The following ZNF469 variants were observed in gnomAD, a reference collection of about 807,000 sequenced individuals.
ZNF469 encodes zinc finger protein 469.
In ZNF469, 1 loss-of-function variant was observed where a neutral mutation model predicts 1.0. The ratio of observed to expected loss-of-function variants is 1.00; its 90% confidence interval spans 0.35 to 4.73. The LOEUF is 4.73. Ranked by LOEUF, ZNF469 falls within the 30% of genes most tolerant of loss-of-function variation. The pLI, the probability that ZNF469 is intolerant of heterozygous loss-of-function variation, is 0.16. For missense variants in ZNF469, 6,100 were observed against 5,356.3 expected, an observed-to-expected ratio of 1.14 and a Z score of -4.33; for synonymous variants, 2,703 against 2,363.4, an observed-to-expected ratio of 1.14 and a Z score of -4.17.
the ZNF469 span, among the ~76,000 whole-genome samples, chr16:88,290,600 C>A: frequency 6.6e-6 from 1 of 152,188 alleles, no homozygotes; most frequent in Non-Finnish European, 1.5e-5. Flanking sequence ...AGAGTCTGAA[C>A]AATCCTAGTA....
chr16:88,422,089 G>GTGGA (rs367717750), intron 1 of ZNF469, among the ~76,000 whole-genome samples: 68 of 149,138 alleles, frequency 4.6e-4, no homozygotes, highest in African/African-American at 8.6e-4. Flanking sequence ...GGCTGACTGG[G>GTGGA]TGGATGGATG....
chr16:88,329,001 G>C, the ZNF469 span, among the ~76,000 whole-genome samples: 3 of 152,166 alleles, frequency 2.0e-5, no homozygotes, highest in African/African-American at 7.2e-5. Flanking sequence ...ACCCGCAGCC[G>C]GAGTCCTTCA....
At position 88,427,670 on chromosome 16, in the gene ZNF469, A is replaced by G; in HGVS notation, c.200A>G (p.Gln67Arg). 2.6e-6 allele frequency: 4 copies of G among 1,535,856 alleles called. No individual in the cohort carries two copies. Among genetic ancestry groups the G allele is most frequent in the Non-Finnish European group, 3.5e-6 (4 of 1,144,694 alleles). The change falls in exon 3 of 3, where the codon CAG becomes CGG. Residue 67 changes from glutamine to arginine, a missense_variant. By Grantham distance (43) the Gln-to-Arg change is conservative (BLOSUM62 1). Coordinates refer to ENST00000565624, the MANE Select transcript of ZNF469 (RefSeq NM_001367624.2). ...AMELPEAQPR[Q>R]ARDGELKPPS... ...GAGCTCCCCGAGGCCCAGCCAAGGC[A>G]GGCCAGGGACGGGGAGCTCAAGCCC...
chr16:88,355,850 C>G, the ZNF469 span, among the ~76,000 whole-genome samples: 1 of 152,154 alleles, frequency 6.6e-6, no homozygotes, highest in Non-Finnish European at 1.5e-5. Context: ...AGGGGAGGAC[C>G]AAGACCACAC....
the ZNF469 span, among the ~76,000 whole-genome samples, chr16:88,336,690 C>T: frequency 6.6e-6 from 1 of 152,206 alleles, no homozygotes; most frequent in Non-Finnish European, 1.5e-5. Flanking sequence ...ATACCACACA[C>T]ATGCATCCTT....
chr16:88,199,635 G>A, the ZNF469 span, among the ~76,000 whole-genome samples: 1 of 152,348 alleles, frequency 6.6e-6, no homozygotes, highest in Non-Finnish European at 1.5e-5. Context: ...ATATTTTACA[G>A]TTACTGGGCT....
the ZNF469 span, among the ~76,000 whole-genome samples, chr16:88,307,451 A>G: frequency 6.6e-6 from 1 of 152,240 alleles, no homozygotes; most frequent in African/African-American, 2.4e-5. Context: ...CACATCTTAC[A>G]TTCCCACGGG....
the ZNF469 span, among the ~76,000 whole-genome samples, chr16:88,340,903 C>T: frequency 6.6e-6 from 1 of 152,022 alleles, no homozygotes; most frequent in Non-Finnish European, 1.5e-5. Context: ...GGGGGCCTAG[C>T]GTGGAGGAGG....
chr16:88,113,364 C>T, the ZNF469 span, among the ~76,000 whole-genome samples: 1 of 152,146 alleles, frequency 6.6e-6, no homozygotes, highest in South Asian at 2.1e-4. Context: ...CTGTCCTTTC[C>T]CCAGGGTATG....
rs558407043 is a variant in ZNF469, at chr16:88,406,101, C to T, written c.-191-18706C>T. ...GGAGGGAGCAGCCCGGAGCCGACCA[C>T]GCCACCACGAGCCACCGTGTCCAGC... is the stretch of plus-strand genomic sequence containing the variant. On this transcript the variant is annotated intron_variant, in intron 1 of 2. Transcript: ENST00000565624. Among the ~76,000 whole-genome samples the T allele has an allele frequency of 2.0e-5, 3 of 152,346 alleles. No individual in the cohort carries two copies. The South Asian group carries it at 6.2e-4, about 32-fold the overall frequency.
the ZNF469 span, among the ~76,000 whole-genome samples, chr16:88,280,803 G>T: frequency 3.3e-5 from 5 of 151,210 alleles, no homozygotes; most frequent in African/African-American, 1.2e-4. Context: ...TCAGCACATA[G>T]GTTGGTGCTG....
chr16:88,348,555 C>T, the ZNF469 span, among the ~76,000 whole-genome samples: 1 of 152,336 alleles, frequency 6.6e-6, no homozygotes, highest in South Asian at 2.1e-4. Context: ...TGCTGATTTG[C>T]CCACACGGGG....
the ZNF469 span, among the ~76,000 whole-genome samples, chr16:88,101,647 G>A: frequency 1.3e-5 from 2 of 151,922 alleles, no homozygotes; most frequent in African/African-American, 4.8e-5. Flanking sequence ...CAAGTCCACA[G>A]CGAATCTGAG....
the ZNF469 span, among the ~76,000 whole-genome samples, chr16:88,224,395 C>T: frequency 6.6e-6 from 1 of 152,226 alleles, no homozygotes; most frequent in Non-Finnish European, 1.5e-5. Context: ...ACTGTTGGCG[C>T]GGATGAGGTG....
the ZNF469 span, among the ~76,000 whole-genome samples, chr16:88,323,783 C>T: frequency 7.2e-5 from 11 of 152,324 alleles, no homozygotes; most frequent in African/African-American, 2.6e-4. Flanking sequence ...CTGCCCCTGG[C>T]ACATGCCAGA....
At chr16:88,147,150 G>A in the ZNF469 span, among the ~76,000 whole-genome samples, 54 of 152,236 alleles carry the variant, frequency 3.5e-4, no homozygotes, top group African/African-American at 1.3e-3. Context: ...GAAGGCAGAA[G>A]GACGAGGCCA....
At chr16:88,110,644 G>A in the ZNF469 span, among the ~76,000 whole-genome samples, 5 of 152,322 alleles carry the variant, frequency 3.3e-5, no homozygotes, top group South Asian at 6.2e-4. Context: ...GCTGTCCTGC[G>A]GGTGAGAATC....
chr16:88,436,397 C>G lies in ZNF469; in HGVS notation c.8927C>G (p.Ser2976Cys). 6.5e-7 allele frequency: 1 copy of G among 1,549,880 alleles called. No homozygotes were observed. The highest frequency in any genetic ancestry group is 1.2e-5 in the South Asian group (1 of 84,056). Residue 2976 changes from serine (S) to cysteine (C), a missense_variant, in exon 3 of 3, where the codon TCC becomes TGC. Transcript: ENST00000565624. ...SREAGAEKLP[S>C]HCPEDDRPEA... ...GAAGCTGGTGCAGAGAAGCTGCCCTCCCACTGCCCCGAGGACGATCGGCCG... is the reference window on the plus strand; with the variant it reads ...GAAGCTGGTGCAGAGAAGCTGCCCTGCCACTGCCCCGAGGACGATCGGCCG...
At chr16:88,367,832 G>C in the ZNF469 span, among the ~76,000 whole-genome samples, 1 of 152,144 alleles carries the variant, frequency 6.6e-6, no homozygotes, top group African/African-American at 2.4e-5. Flanking sequence ...AGCTTTCCAA[G>C]AGACATATTT....
Sources: allele counts gnomAD v4.1 joint callset (sites outside exome capture counted in the v4.1 genomes callset), GRCh38; gene constraint gnomAD v4.1.1; transcripts MANE v1.5; gene names NCBI Gene and HGNC (gene_info 2026-07-23, HGNC 2026-07-21).